The following USP32 variants were observed in gnomAD, a reference collection of about 807,000 sequenced individuals.
The protein encoded by USP32 is ubiquitin specific peptidase 32.
Under a neutral mutation model 204.8 loss-of-function variants are expected in USP32, and 59 were observed. The ratio of observed to expected loss-of-function variants is 0.29; its 90% CI spans 0.23 to 0.36. The LOEUF (loss-of-function observed/expected upper bound fraction) is 0.36. Ranked by LOEUF, USP32 falls within the 10% of genes least tolerant of loss-of-function variation. USP32 has a pLI of 1.00. For synonymous variants in USP32, 517 were observed against 678.4 expected (o/e 0.76, Z 3.70); for missense variants, 1,160 against 1,946.4 (o/e 0.60, Z 7.60).
intron 11 of USP32, among the ~76,000 whole-genome samples, chr17:60,237,157 T>C (rs868073791): frequency 7.0e-6 from 1 of 143,638 alleles, no homozygotes; most frequent in African/African-American, 2.7e-5. Flanking sequence ...TATCTATCTA[T>C]CTATCTACAG....
intron 1 of USP32, among the ~76,000 whole-genome samples, chr17:60,397,191 A>G (rs2089906284): frequency 1.3e-5 from 2 of 152,250 alleles, no homozygotes; most frequent in Admixed American, 6.5e-5. Context: ...TATAGGATAT[A>G]CCTTACTTCA....
In USP32 at chr17:60,255,181, A is replaced by G; in HGVS notation, c.1068T>C (p.Leu356=). Residue 356 remains leucine (L), a synonymous_variant, in exon 10 of 34, where the codon CTT becomes CTC. Coordinates refer to ENST00000300896, the MANE Select transcript of USP32 (RefSeq NM_032582.4). The part of the protein sequence containing the change: ...NVLANEFLNL[L]FQVCHIVLGL... Reference sequence around the variant, plus strand: ...TCATTTACCTTAAACATACCTGGAAAAGGAGGTTCAAAAACTCATTGGCAA... The same window carrying G: ...TCATTTACCTTAAACATACCTGGAAGAGGAGGTTCAAAAACTCATTGGCAA... The G allele has an allele frequency of 6.2e-7, 1 of 1,612,342 alleles. No individual in the cohort carries two copies. The highest frequency in any genetic ancestry group is 8.5e-7 in the Non-Finnish European group (1 of 1,178,978).
chr17:60,260,496 C>G lies in USP32; in HGVS notation c.990+4916G>C, dbSNP rs117082737. Among the ~76,000 whole-genome samples the G allele has an allele frequency of 8.2e-3, 1,230 of 150,114 alleles. 17 individuals carry two copies. The highest frequency in any genetic ancestry group is 0.023 in the East Asian group (119 of 5,114). On this transcript the variant is annotated intron_variant, in intron 9 of 33. Transcript: ENST00000300896. ...CAAAATCACGCTATTACACTCCAGC[C>G]TGGGTGACAAGAGCAAGACTTTAAA...
intron 28 of USP32, among the ~76,000 whole-genome samples, chr17:60,191,683 G>C (rs1049772053): frequency 6.6e-6 from 1 of 151,246 alleles, no homozygotes; most frequent in Non-Finnish European, 1.5e-5. Context: ...CTAATTTTTT[G>C]TATTTTTAGT....
At chr17:60,202,031 A>G (rs1031402725) in intron 26 of USP32, among the ~76,000 whole-genome samples, 3 of 152,152 alleles carry the variant, frequency 2.0e-5, no homozygotes, top group African/African-American at 7.2e-5. Flanking sequence ...ATTTACCAGT[A>G]TTATCTTCCA....
chr17:60,349,282 A>T (rs1212279176), intron 1 of USP32, among the ~76,000 whole-genome samples: 1 of 150,928 alleles, frequency 6.6e-6, no homozygotes, highest in Non-Finnish European at 1.5e-5. Flanking sequence ...TATGTTTTTT[A>T]AAAATATAAT....
At chr17:60,296,421 G>A (rs530318453) in intron 3 of USP32, among the ~76,000 whole-genome samples, 1 of 152,248 alleles carries the variant, frequency 6.6e-6, no homozygotes, top group South Asian at 2.1e-4. Context: ...GAAAGGCAGG[G>A]ATTAGAACGA....
At chr17:60,380,245 A>G (rs3965885) in intron 1 of USP32, among the ~76,000 whole-genome samples, 14 of 152,282 alleles carry the variant, frequency 9.2e-5, no homozygotes, top group Non-Finnish European at 1.5e-4. Context: ...TGAACATGCC[A>G]ATCTCATCTG....
intron 1 of USP32, among the ~76,000 whole-genome samples, chr17:60,373,139 G>A (rs1035077698): frequency 6.6e-6 from 1 of 152,120 alleles, no homozygotes; most frequent in Non-Finnish European, 1.5e-5. Context: ...GCTACAGTAA[G>A]CCATGATCAC....
At chr17:60,262,790 CT>C (rs750282769) in intron 9 of USP32, among the ~76,000 whole-genome samples, 51 of 152,136 alleles carry the variant, frequency 3.4e-4, no homozygotes, top group Non-Finnish European at 6.5e-4. Context: ...TATTCTACCC[CT>C]AGTTGTTACC....
chr17:60,269,342 CAA>C (rs2086672445), intron 7 of USP32, 106 bp downstream of exon 7: 14 of 809,916 alleles, frequency 1.7e-5, no homozygotes, highest in Admixed American at 3.1e-5. Flanking sequence ...GTTAATCTGA[CAA>C]AGTTATAAAA....
chr17:60,306,004 T>C (rs1318436667), intron 2 of USP32, among the ~76,000 whole-genome samples: 1 of 152,122 alleles, frequency 6.6e-6, no homozygotes, highest in Non-Finnish European at 1.5e-5. Flanking sequence ...GATGTACATA[T>C]TTTCCGCCTT....
At chr17:60,268,672 A>G (rs1319999939) in intron 7 of USP32, among the ~76,000 whole-genome samples, 2 of 151,860 alleles carry the variant, frequency 1.3e-5, no homozygotes, top group African/African-American at 4.8e-5. Context: ...AAATAGTGGT[A>G]TAACAACAGG....
chr17:60,292,195 C>T (rs1455722970), intron 4 of USP32, among the ~76,000 whole-genome samples: 1 of 151,978 alleles, frequency 6.6e-6, no homozygotes, highest in East Asian at 1.9e-4. Context: ...TTCTTGCAGG[C>T]TATTTCTTAG....
intron 1 of USP32, among the ~76,000 whole-genome samples, chr17:60,419,049 A>G (rs1298926317): frequency 6.6e-6 from 1 of 152,210 alleles, no homozygotes; most frequent in Non-Finnish European, 1.5e-5. Context: ...ATTCTACCAT[A>G]AAGACACATG....
At chr17:60,306,247 T>C (rs2087719516) in intron 2 of USP32, among the ~76,000 whole-genome samples, 1 of 152,218 alleles carries the variant, frequency 6.6e-6, no homozygotes, top group Admixed American at 6.5e-5. Context: ...ATGCTGGCAG[T>C]CCAGGGTGGT....
chr17:60,362,699 G>T (rs1337431598), intron 1 of USP32, among the ~76,000 whole-genome samples: 2 of 151,834 alleles, frequency 1.3e-5, no homozygotes, highest in East Asian at 3.9e-4. Context: ...TTATTCATTT[G>T]CTTCCAGCAG....
intron 5 of USP32, among the ~76,000 whole-genome samples, chr17:60,280,421 A>T (rs895324479): frequency 5.9e-5 from 9 of 152,280 alleles, no homozygotes; most frequent in South Asian, 2.1e-4. Context: ...AATTATTCTA[A>T]GTCTGTACTG....
At chr17:60,282,181 G>T (rs2086983474) in intron 5 of USP32, among the ~76,000 whole-genome samples, 1 of 152,174 alleles carries the variant, frequency 6.6e-6, no homozygotes, top group African/African-American at 2.4e-5. Flanking sequence ...ATCATTACAT[G>T]TATTTAAAGC....
Sources: allele counts gnomAD v4.1 joint callset (sites outside exome capture counted in the v4.1 genomes callset), GRCh38; gene constraint gnomAD v4.1.1; transcripts MANE v1.5; gene names NCBI Gene and HGNC (gene_info 2026-07-23, HGNC 2026-07-21).